Variants in PIK3C2G observed in about 807,000 individuals in gnomAD.
The protein encoded by PIK3C2G is phosphatidylinositol-4-phosphate 3-kinase catalytic subunit type 2 gamma.
In PIK3C2G, 168 loss-of-function variants were observed where a neutral mutation model predicts 181.1. That is an observed-to-expected ratio of 0.93 (90% CI 0.82 to 1.05). The LOEUF is 1.05. Ranked by LOEUF, PIK3C2G falls within the 50% of genes least tolerant of loss-of-function variation. The pLI, the probability that PIK3C2G is intolerant of heterozygous loss-of-function variation, is 0.00. For missense variants in PIK3C2G, 1,869 were observed against 1,732.8 expected, an observed-to-expected ratio of 1.08 and a Z score of -1.40; for synonymous variants, 573 against 592.2, an observed-to-expected ratio of 0.97 and a Z score of 0.47.
At chr12:18,351,286 T>C (rs1171610434) in intron 11 of PIK3C2G, among the ~76,000 whole-genome samples, 1 of 152,084 alleles carries the variant, frequency 6.6e-6, no homozygotes, top group African/African-American at 2.4e-5. Context: ...GTGAAAAATA[T>C]AGCCTCACAT....
chr12:18,698,288 C>CTACTCCAT, the PIK3C2G span, among the ~76,000 whole-genome samples: 2 of 54,872 alleles, frequency 3.6e-5, no homozygotes, highest in Non-Finnish European at 7.6e-5. Context: ...TTCTATTCTA[C>CTACTCCAT]TCCATTCCAT....
At chr12:18,388,103 A>T (rs1281435649) in intron 14 of PIK3C2G, among the ~76,000 whole-genome samples, 1 of 151,972 alleles carries the variant, frequency 6.6e-6, no homozygotes, top group Non-Finnish European at 1.5e-5. Context: ...TTTATTTCTA[A>T]TGTAACGGAG....
At chr12:18,428,252 A>C (rs2135743032) in intron 18 of PIK3C2G, among the ~76,000 whole-genome samples, 1 of 152,056 alleles carries the variant, frequency 6.6e-6, no homozygotes, top group South Asian at 2.1e-4. Context: ...TGTTTGTGTT[A>C]AAACTTTAAA....
At chr12:18,250,975 G>C (rs1189892575) in intron 1 of PIK3C2G, among the ~76,000 whole-genome samples, 2 of 151,760 alleles carry the variant, frequency 1.3e-5, no homozygotes, top group Non-Finnish European at 2.9e-5. Context: ...AATATTTCTG[G>C]CATTATTAAA....
intron 29 of PIK3C2G, among the ~76,000 whole-genome samples, chr12:18,572,661 CA>C (rs955242960): frequency 6.6e-6 from 1 of 151,812 alleles, no homozygotes; most frequent in Non-Finnish European, 1.5e-5. Context: ...ATTGTGACTT[CA>C]AATATTGCTT....
At chr12:18,421,911 A>G (rs986292795) in intron 17 of PIK3C2G, among the ~76,000 whole-genome samples, 2 of 152,060 alleles carry the variant, frequency 1.3e-5, no homozygotes, top group Non-Finnish European at 2.9e-5. Context: ...ATTTCTCTGA[A>G]GTTCTCCTTA....
chr12:18,426,907 T>C (rs1279363269), intron 18 of PIK3C2G, among the ~76,000 whole-genome samples: 1 of 152,204 alleles, frequency 6.6e-6, no homozygotes, highest in East Asian at 1.9e-4. Flanking sequence ...ATACATTGAC[T>C]GGCATGAGGC....
intron 18 of PIK3C2G, among the ~76,000 whole-genome samples, chr12:18,474,719 G>C (rs1938805708): frequency 6.6e-6 from 1 of 151,934 alleles, no homozygotes; most frequent in Non-Finnish European, 1.5e-5. Context: ...CTAACATAGA[G>C]GAAAATACTA....
chr12:18,692,287 T>C, the PIK3C2G span, among the ~76,000 whole-genome samples: 3 of 152,126 alleles, frequency 2.0e-5, no homozygotes, highest in African/African-American at 4.8e-5. Context: ...AATGAAACCA[T>C]AGCCACTCTA....
chr12:18,301,112 T>G (rs1950156373), intron 5 of PIK3C2G, among the ~76,000 whole-genome samples: 1 of 152,138 alleles, frequency 6.6e-6, no homozygotes, highest in Admixed American at 6.5e-5. Flanking sequence ...TGTGACTCAA[T>G]GCTTTTCCCT....
chr12:18,698,242 C>CTTCTGTTCTA, the PIK3C2G span, among the ~76,000 whole-genome samples: 1 of 145,402 alleles, frequency 6.9e-6, no homozygotes, highest in Non-Finnish European at 1.5e-5. Context: ...ATACACTTTT[C>CTTCTGTTCTA]TTCTATTCTA....
At chr12:18,629,548 T>G (rs1949256905) in intron 31 of PIK3C2G, among the ~76,000 whole-genome samples, 1 of 152,164 alleles carries the variant, frequency 6.6e-6, no homozygotes, top group East Asian at 1.9e-4. Context: ...GGGACTAAGT[T>G]TGAATAATGC....
rs199787426 is a variant in PIK3C2G, at chr12:18,445,225, C to CTTT, written c.2504+21188_2504+21190dup. Among the ~76,000 whole-genome samples, 1,154 of 152,098 alleles carry CTTT rather than the reference C, an allele frequency of 7.6e-3. 14 individuals carry two copies. The highest frequency in any genetic ancestry group is 0.026 in the African/African-American group (1,099 of 41,500). The stretch of plus-strand genomic sequence containing the variant: ...TTAATAAATAGGTGTTGTATATCAT[C>CTTT]TTTTCAGTGGTGAAGAATTAATTTC... On this transcript the variant is annotated intron_variant, in intron 18 of 32. Transcript: ENST00000538779.
intron 24 of PIK3C2G, among the ~76,000 whole-genome samples, chr12:18,513,626 G>T (rs12298004): frequency 0.02 from 2,987 of 151,598 alleles, 99 homozygotes; most frequent in African/African-American, 0.069. Flanking sequence ...TATTACAGTG[G>T]CATCAGTTAT....
the PIK3C2G span, among the ~76,000 whole-genome samples, chr12:18,655,920 C>T: frequency 9.7e-3 from 1,480 of 152,172 alleles, 23 homozygotes; most frequent in African/African-American, 0.034. Flanking sequence ...AATGTGGTAC[C>T]CTGGATGGGA....
intron 15 of PIK3C2G, among the ~76,000 whole-genome samples, chr12:18,399,227 A>G (rs1944096785): frequency 6.6e-6 from 1 of 151,238 alleles, no homozygotes; most frequent in Non-Finnish European, 1.5e-5. Flanking sequence ...ATTTTTTCAC[A>G]GGCCCACTTG....
At chr12:18,529,517 C>T (rs1286260747) in intron 24 of PIK3C2G, among the ~76,000 whole-genome samples, 1 of 152,114 alleles carries the variant, frequency 6.6e-6, no homozygotes, top group Non-Finnish European at 1.5e-5. Flanking sequence ...TATCTAGACG[C>T]ATAATTCACA....
rs116582137 is a variant in PIK3C2G at position 18,375,998 on chromosome 12, G to A, written c.1880+4687G>A. 5.6e-3 allele frequency among the ~76,000 whole-genome samples: 846 copies of A among 152,342 alleles called. 6 individuals are homozygous for A. Among genetic ancestry groups the A allele is most frequent in the African/African-American group, 0.02 (814 of 41,586 alleles). On this transcript the variant is annotated intron_variant, in intron 13 of 32. Coordinates refer to ENST00000538779, the MANE Select transcript of PIK3C2G (RefSeq NM_001288772.2). ...CACCTAGATTTCAGAGAATATTTTGGAAAGCCCGGGTGCCCAGCCATAAGC... is the reference window on the plus strand; with the variant it reads ...CACCTAGATTTCAGAGAATATTTTGAAAAGCCCGGGTGCCCAGCCATAAGC...
At chr12:18,392,097 A>G (rs976365395) in intron 15 of PIK3C2G, among the ~76,000 whole-genome samples, 1 of 152,128 alleles carries the variant, frequency 6.6e-6, no homozygotes, top group Non-Finnish European at 1.5e-5. Flanking sequence ...CAGTTTAGGC[A>G]AGAGGCCATG....
Sources: allele counts gnomAD v4.1 joint callset (sites outside exome capture counted in the v4.1 genomes callset), GRCh38; gene constraint gnomAD v4.1.1; transcripts MANE v1.5; gene names NCBI Gene and HGNC (gene_info 2026-07-23, HGNC 2026-07-21).